Variants in FRRS1 observed in about 807,000 individuals in gnomAD.
FRRS1 encodes ferric reductase 1.
In FRRS1, 51 loss-of-function variants were observed where a neutral mutation model predicts 70.7. That is an observed-to-expected ratio of 0.72 (90% CI 0.58 to 0.91). The LOEUF (loss-of-function observed/expected upper bound fraction) is 0.91. Ranked by LOEUF, FRRS1 falls within the 40% of genes least tolerant of loss-of-function variation. The pLI is 0.00. For synonymous variants in FRRS1, 225 were observed against 238.7 expected (o/e 0.94, Z 0.53); for missense variants, 672 against 726.0 (o/e 0.93, Z 0.86).
At chr1:99,757,778 C>A (rs1391350822) in intron 1 of FRRS1, among the ~76,000 whole-genome samples, 2 of 152,018 alleles carry the variant, frequency 1.3e-5, no homozygotes, top group East Asian at 3.9e-4. Context: ...TTTATTTTGG[C>A]ACAAGTGCAA....
chr1:99,754,758 C>A (rs746020308), intron 1 of FRRS1, among the ~76,000 whole-genome samples: 2 of 151,996 alleles, frequency 1.3e-5, no homozygotes, highest in Non-Finnish European at 2.9e-5. Flanking sequence ...CAGTGCTTAA[C>A]GGGAAATTTA....
Position 99,719,629 on chromosome 1 carries a change from G to A in FRRS1, c.1025C>T (p.Ser342Phe). 6.2e-7 allele frequency: 1 copy of A among 1,600,334 alleles called. No individual in the cohort carries two copies. The highest frequency in any genetic ancestry group is 8.6e-7 in the Non-Finnish European group (1 of 1,168,964). Residue 342 changes from serine to phenylalanine, a missense_variant, in exon 10 of 17, where the codon TCT becomes TTT. Physicochemically the swap from Ser to Phe is radical, Grantham distance 155. Coordinates refer to ENST00000646001, the MANE Select transcript of FRRS1 (RefSeq NM_001361041.2). ...TTCATAGGTAATCAAAGGTTGCTGA[G>A]AGTGCTTGTAAATTCGACCTGCAAA... ...AANDGRIYKH[S>F]QQPLITYEKY...
At position 99,722,475 on chromosome 1, in the gene FRRS1, A is replaced by G. The variant is rs145445754; in HGVS notation, c.1007-2828T>C. 1.7e-3 allele frequency among the ~76,000 whole-genome samples: 263 copies of G among 152,314 alleles called. 1 individual carries two copies. Among genetic ancestry groups the G allele is most frequent in the African/African-American group, 6.0e-3 (251 of 41,568 alleles). On this transcript the variant is annotated intron_variant, in intron 9 of 16. Transcript: ENST00000646001. Reference sequence around the variant, plus strand: ...TTATGAATATAGATGTAAAAAGCTTAAAGAAAATATTAGTAAATCAAATCA... The same window carrying G: ...TTATGAATATAGATGTAAAAAGCTTGAAGAAAATATTAGTAAATCAAATCA...
intron 1 of FRRS1, among the ~76,000 whole-genome samples, chr1:99,758,609 CAT>C (rs35689921): frequency 0.49 from 74,046 of 150,786 alleles, 22,114 homozygotes; most frequent in African/African-American, 0.85. Flanking sequence ...GACTGTAAAA[CAT>C]GTGTGTTTGA....
At chr1:99,747,458 A>G (rs1214083394) in intron 3 of FRRS1, 28 bp from the exon 4 acceptor site, 2 of 1,601,668 alleles carry the variant, frequency 1.2e-6, no homozygotes, top group Non-Finnish European at 1.7e-6. Context: ...GGGTTGGTTA[A>G]AAAGCTTAGT....
intron 7 of FRRS1, among the ~76,000 whole-genome samples, chr1:99,736,696 C>T (rs1385984502): frequency 6.8e-6 from 1 of 148,126 alleles, no homozygotes; most frequent in African/African-American, 2.5e-5. Context: ...GTGCAGCACA[C>T]CAACATGGCA....
intron 7 of FRRS1, among the ~76,000 whole-genome samples, chr1:99,737,150 C>T (rs1297307850): frequency 1.3e-5 from 2 of 152,110 alleles, no homozygotes; most frequent in Admixed American, 6.6e-5. Context: ...AATACTCTTC[C>T]TGCTCCCTAG....
chr1:99,766,624 G>C lies in FRRS1; in HGVS notation c.-123C>G, dbSNP rs1657366793. 6.6e-6 allele frequency: 1 copy of C among 152,204 alleles called. No individual in the cohort carries two copies. The highest frequency in any genetic ancestry group is 2.1e-4 in the South Asian group (1 of 4,830). 9.4% of individuals were successfully genotyped at this position (152,204 alleles called of 1,614,324 possible). Reference sequence around the variant, plus strand: ...ACACTTACCTTGAGAAGCGAAGGCAGCCTAACCAACTTCCGGTTTTGTTAC... The same window carrying C: ...ACACTTACCTTGAGAAGCGAAGGCACCCTAACCAACTTCCGGTTTTGTTAC... On this transcript the variant is annotated 5_prime_UTR_variant, in exon 1 of 17. Transcript: ENST00000646001.
Position 99,712,521 on chromosome 1 carries a change from C to A in FRRS1, c.1324-6G>T. On this transcript the variant is annotated splice_region_variant and splice_polypyrimidine_tract_variant and intron_variant, in intron 12 of 16. Coordinates refer to ENST00000646001, the MANE Select transcript of FRRS1 (RefSeq NM_001361041.2). ...TATGGGTGGTAACCTGCATGCTAAA[C>A]AAAGTTACATCATTTTAATGGCCTC... 6.4e-7 allele frequency: 1 copy of A among 1,555,804 alleles called. No individual in the cohort carries two copies. Among genetic ancestry groups the A allele is most frequent in the Non-Finnish European group, 8.8e-7 (1 of 1,141,748 alleles).
intron 10 of FRRS1, among the ~76,000 whole-genome samples, chr1:99,718,407 C>T (rs1435453143): frequency 6.6e-6 from 1 of 152,190 alleles, no homozygotes; most frequent in East Asian, 1.9e-4. Flanking sequence ...CAGCTCTCTG[C>T]AACCTCCACC....
chr1:99,707,901 CAG>C lies in FRRS1; in HGVS notation c.*1125_*1126del, dbSNP rs1181369299. 6.6e-6 allele frequency among the ~76,000 whole-genome samples: 1 copy of C among 152,144 alleles called. No homozygotes were observed. The highest frequency in any genetic ancestry group is 6.5e-5 in the Admixed American group (1 of 15,272). ...ACATTATATTATTTCTACAAGTAAA[CAG>C]AATATCTATTAGATATGTTCACAAG... On this transcript the variant is annotated 3_prime_UTR_variant, in exon 17 of 17. Transcript: ENST00000646001.
intron 9 of FRRS1, among the ~76,000 whole-genome samples, chr1:99,724,599 T>C (rs1367341863): frequency 2.0e-5 from 3 of 152,236 alleles, no homozygotes; most frequent in Non-Finnish European, 4.4e-5. Context: ...CAAGTCTTAC[T>C]GCTTTTAAGC....
intron 5 of FRRS1, 24 bp downstream of exon 5, chr1:99,742,155 A>T: frequency 6.8e-7 from 1 of 1,461,966 alleles, no homozygotes; most frequent in Non-Finnish European, 9.6e-7. Context: ...TGCCTGGCCC[A>T]GAATTATAAA....
Position 99,705,489 on chromosome 1 carries a change from T to A in FRRS1, c.*3539A>T, listed in dbSNP as rs1274099381. 2.6e-5 allele frequency among the ~76,000 whole-genome samples: 4 copies of A among 152,324 alleles called. No homozygotes were observed. Among genetic ancestry groups the A allele is most frequent in the Middle Eastern group, 3.4e-3 (1 of 294 alleles). On this transcript the variant is annotated 3_prime_UTR_variant, in exon 17 of 17. Coordinates refer to ENST00000646001, the MANE Select transcript of FRRS1 (RefSeq NM_001361041.2). ...CTTTGTTCTTTTTTTCCCTGCCTCA[T>A]GAGAATATACAGATAAATAGAATTT...
At position 99,708,844 on chromosome 1, in the gene FRRS1, G is replaced by A. The variant is rs1654140512; in HGVS notation, c.*184C>T. 1 of 1,217,230 alleles carries A rather than the reference G, an allele frequency of 8.2e-7. No individual in the cohort carries two copies. Among genetic ancestry groups the A allele is most frequent in the Admixed American group, 1.8e-5 (1 of 55,584 alleles). The allele number at this position is 1,217,230 out of a possible 1,614,324, so 75.4% of individuals were successfully genotyped here. On this transcript the variant is annotated 3_prime_UTR_variant, in exon 17 of 17. Transcript: ENST00000646001. ...ATATAGGGCATGACATTAATTTATA[G>A]TCTATATGACCCTCTTGAATGTTGT...
intron 1 of FRRS1, among the ~76,000 whole-genome samples, chr1:99,763,348 G>A (rs138587390): frequency 1.2e-3 from 185 of 152,022 alleles, no homozygotes; most frequent in Non-Finnish European, 2.0e-3. Context: ...TGAAAAATAA[G>A]ATACAATAAT....
At position 99,748,643 on chromosome 1, in the gene FRRS1, A is replaced by C. The variant is rs200632481; in HGVS notation, c.126T>G (p.Ser42Arg). The stretch of plus-strand genomic sequence containing the variant: ...TGTCATGAACAGGAACAGACTGTGG[A>C]CTATGACCATGTTCAGGAATCATTC... ...CHGMIPEHGH[S>R]PQSVPVHDIY... is the part of the protein sequence containing the mutation. Residue 42 changes from serine to arginine, a missense_variant, in exon 3 of 17, where the codon AGT becomes AGG. Physicochemically the swap from Ser to Arg is moderately radical, Grantham distance 110. Coordinates refer to ENST00000646001, the MANE Select transcript of FRRS1 (RefSeq NM_001361041.2). 6 of 1,614,094 alleles carry C rather than the reference A, an allele frequency of 3.7e-6. No individual in the cohort carries two copies. Among genetic ancestry groups the C allele is most frequent in the Non-Finnish European group, 5.1e-6 (6 of 1,179,946 alleles).
intron 4 of FRRS1, among the ~76,000 whole-genome samples, chr1:99,743,560 A>C (rs754695570): frequency 1.3e-5 from 2 of 152,212 alleles, no homozygotes; most frequent in African/African-American, 2.4e-5. Flanking sequence ...CCTATCACAA[A>C]AAGTTAAAAT....
At chr1:99,733,098 C>T (rs1419525794) in intron 7 of FRRS1, among the ~76,000 whole-genome samples, 1 of 152,100 alleles carries the variant, frequency 6.6e-6, no homozygotes, top group African/African-American at 2.4e-5. Context: ...ATCCTCCCAC[C>T]ACAGACTCCC....
Sources: gnomAD v4.1 joint callset for allele counts (sites outside exome capture counted in the v4.1 genomes callset) on GRCh38, gnomAD v4.1.1 for gene constraint, MANE v1.5 for transcripts, NCBI Gene and HGNC (gene_info 2026-07-23, HGNC 2026-07-21) for gene names.